Variants in PTP4A2 observed in about 807,000 individuals in gnomAD.
The protein encoded by PTP4A2 is protein tyrosine phosphatase type IVA 2.
A neutral mutation model predicts 22.9 loss-of-function variants in PTP4A2; 2 were observed. That is an observed-to-expected ratio of 0.09 (90% CI 0.04 to 0.27). The LOEUF (loss-of-function observed/expected upper bound fraction) is 0.27. PTP4A2 is among the 10% of genes least tolerant of loss of function. The probability of loss-of-function intolerance (pLI) is 1.00; values close to 1 mark genes in which losing one functional copy is unlikely to be tolerated. For synonymous variants in PTP4A2, 68 were observed against 69.1 expected (o/e 0.98, Z 0.08); for missense variants, 103 against 205.1 (o/e 0.50, Z 3.04).
chr1:31,908,769 G>T lies in PTP4A2; in HGVS notation c.*83C>A. The T allele has an allele frequency of 1.1e-6, 1 of 934,732 alleles. No homozygotes were observed. Among genetic ancestry groups the T allele is most frequent in the Non-Finnish European group, 1.7e-6 (1 of 576,900 alleles). The allele number at this position is 934,732 out of a possible 1,614,324, so 57.9% of individuals were successfully genotyped here. On this transcript the variant is annotated 3_prime_UTR_variant, in exon 6 of 6. Coordinates refer to ENST00000647444, the MANE Select transcript of PTP4A2 (RefSeq NM_080391.4). ...ATCCATCACTACTTTGATGACACAG[G>T]TAATATTCCAGATTCACATTTCCAG...
intron 1 of PTP4A2, among the ~76,000 whole-genome samples, chr1:31,924,987 T>TA (rs1652380546): frequency 1.3e-5 from 2 of 152,004 alleles, no homozygotes; most frequent in Admixed American, 6.5e-5. Context: ...CACTAATAAG[T>TA]AAAAAAAGGC....
chr1:31,931,214 A>C (rs897600082), intron 1 of PTP4A2: 1 of 152,250 alleles, frequency 6.6e-6, no homozygotes, highest in African/African-American at 2.4e-5. Context: ...CAAATTTTAA[A>C]GATACAAAGT....
Position 31,915,945 on chromosome 1 carries a change from CA to C in PTP4A2, c.138del (p.Cys46TrpfsTer18). On this transcript the variant is annotated frameshift_variant, in exon 3 of 6. Transcript: ENST00000647444. LOFTEE classifies it high-confidence loss of function. ...ACTGGAGCTTTATCATATGTAGCATCACAAACTCGAACCAAAGTCGTCACTC... is the reference window on the plus strand; with the variant it reads ...ACTGGAGCTTTATCATATGTAGCATCCAAACTCGAACCAAAGTCGTCACTC... ...KYGVTTLVRVCDATYDKAPVE... is the reference protein window; with the variant it reads ...KYGVTTLVRVXDATYDKAPVE... 1 of 1,607,552 alleles carries C rather than the reference CA, an allele frequency of 6.2e-7. No individual in the cohort carries two copies. Among genetic ancestry groups the C allele is most frequent in the East Asian group, 2.2e-5 (1 of 44,556 alleles).
chr1:31,918,499 G>A (rs547354531), intron 2 of PTP4A2, among the ~76,000 whole-genome samples: 31 of 152,176 alleles, frequency 2.0e-4, no homozygotes, highest in Non-Finnish European at 4.0e-4. Flanking sequence ...ACCTAGGCAA[G>A]TACATTAGTT....
intron 1 of PTP4A2, chr1:31,935,574 G>A (rs1652899437): frequency 6.6e-6 from 1 of 152,172 alleles, no homozygotes; most frequent in Non-Finnish European, 1.5e-5. Context: ...TATGACCTGG[G>A]ACAAGTTACT....
intron 3 of PTP4A2, among the ~76,000 whole-genome samples, chr1:31,915,345 T>G (rs777684212): frequency 2.6e-5 from 4 of 151,954 alleles, no homozygotes; most frequent in African/African-American, 7.3e-5. Flanking sequence ...CCAAAAGTAT[T>G]ACTGCCAGGG....
intron 1 of PTP4A2, among the ~76,000 whole-genome samples, chr1:31,928,578 T>C (rs1429648919): frequency 1.3e-5 from 2 of 151,146 alleles, no homozygotes; most frequent in Admixed American, 6.6e-5. Flanking sequence ...CGCATGGCTG[T>C]AGTCCCAGCT....
chr1:31,918,654 G>A (rs1366404794), intron 2 of PTP4A2, among the ~76,000 whole-genome samples: 1 of 152,200 alleles, frequency 6.6e-6, no homozygotes, highest in African/African-American at 2.4e-5. Flanking sequence ...GTTGCATAAT[G>A]TGTAACATTG....
chr1:31,923,855 T>C (rs953962954), intron 1 of PTP4A2, among the ~76,000 whole-genome samples: 7 of 152,174 alleles, frequency 4.6e-5, no homozygotes, highest in African/African-American at 1.4e-4. Flanking sequence ...AGTTGCAATC[T>C]TCCATACAAG....
intron 1 of PTP4A2, among the ~76,000 whole-genome samples, chr1:31,935,026 A>G (rs1246167565): frequency 1.3e-5 from 2 of 152,218 alleles, no homozygotes; most frequent in African/African-American, 4.8e-5. Context: ...AATACTTTGA[A>G]TCTGTAGTTC....
intron 2 of PTP4A2, among the ~76,000 whole-genome samples, chr1:31,917,226 C>T (rs180898449): frequency 5.1e-4 from 78 of 152,206 alleles, no homozygotes; most frequent in Admixed American, 1.1e-3. Context: ...GGCATACAGG[C>T]GTAGAATCAA....
chr1:31,910,165 T>C lies in PTP4A2; in HGVS notation c.321-53A>G, dbSNP rs574231495. On this transcript the variant is annotated intron_variant, in intron 4 of 5. Coordinates refer to ENST00000647444, the MANE Select transcript of PTP4A2 (RefSeq NM_080391.4). ...TCCATAAGTCTTGGAGTGAAAGGAT[T>C]TTTAAAAACCTGTAACTGCATATTA... The C allele has an allele frequency of 2.8e-6, 4 of 1,439,528 alleles. No individual in the cohort carries two copies. The Admixed American group carries it at 7.2e-5, about 26-fold the overall frequency. The allele number at this position is 1,439,528 out of a possible 1,614,324, so 89.2% of individuals were successfully genotyped here.
At chr1:31,925,843 C>A (rs1042958994) in intron 1 of PTP4A2, among the ~76,000 whole-genome samples, 3 of 151,564 alleles carry the variant, frequency 2.0e-5, no homozygotes, top group Non-Finnish European at 4.4e-5. Flanking sequence ...TACCGGGCAT[C>A]CTTTTAAAAT....
At chr1:31,915,096 T>A (rs1463453542) in intron 3 of PTP4A2, among the ~76,000 whole-genome samples, 4 of 152,218 alleles carry the variant, frequency 2.6e-5, no homozygotes, top group African/African-American at 9.6e-5. Flanking sequence ...TTTCATTATA[T>A]TCAAATTAGT....
At chr1:31,929,735 A>G (rs1165733848) in intron 1 of PTP4A2, among the ~76,000 whole-genome samples, 1 of 152,228 alleles carries the variant, frequency 6.6e-6, no homozygotes, top group East Asian at 1.9e-4. Flanking sequence ...CTGTATGTAC[A>G]TTAACCCAAG....
intron 1 of PTP4A2, among the ~76,000 whole-genome samples, chr1:31,928,696 CA>C (rs1162186046): frequency 0.037 from 2,122 of 57,312 alleles, 17 homozygotes; most frequent in African/African-American, 0.097. Context: ...AACTCTGTCT[CA>C]AAAAAAAAAA....
rs1343396870 is a variant in PTP4A2, at chr1:31,914,259, G to T, written c.189+1636C>A. 3.3e-5 allele frequency: 15 copies of T among 455,578 alleles called. 1 individual carries two copies. Among genetic ancestry groups the T allele is most frequent in the Non-Finnish European group, 4.8e-5 (11 of 226,866 alleles). 28.2% of individuals were successfully genotyped at this position (455,578 alleles called of 1,614,324 possible). A position where few individuals can be genotyped will look rare whatever the true frequency, so the allele number is the denominator to read the frequency against. ...TTTTTGTATTTTTCGGAGAGACAGG[G>T]TTTCACCATGTTGCCCCACTAGTCT... On this transcript the variant is annotated intron_variant, in intron 3 of 5. Coordinates refer to ENST00000647444, the MANE Select transcript of PTP4A2 (RefSeq NM_080391.4).
chr1:31,932,475 A>G (rs1652764992), intron 1 of PTP4A2, among the ~76,000 whole-genome samples: 1 of 152,220 alleles, frequency 6.6e-6, no homozygotes. Flanking sequence ...ACTTAAAATG[A>G]AGTGGATGCT....
intron 3 of PTP4A2, chr1:31,913,991 A>T (rs1390050796): frequency 2.4e-6 from 1 of 416,944 alleles, no homozygotes; most frequent in Non-Finnish European, 4.8e-6. Context: ...ACTCATTCCC[A>T]GTGATTTCCA....
Sources: gnomAD v4.1 joint callset for allele counts (sites outside exome capture counted in the v4.1 genomes callset) on GRCh38, gnomAD v4.1.1 for gene constraint, MANE v1.5 for transcripts, NCBI Gene and HGNC (gene_info 2026-07-23, HGNC 2026-07-21) for gene names.